The following PSD3 variants were observed in gnomAD, a reference collection of about 807,000 sequenced individuals.
The protein encoded by PSD3 is pleckstrin and Sec7 domain containing 3, also known as PH and SEC7 domain-containing protein 3.
A neutral mutation model predicts 105.5 loss-of-function variants in PSD3; 49 were observed. The ratio of observed to expected loss-of-function variants is 0.46; its 90% CI spans 0.37 to 0.59. The LOEUF (loss-of-function observed/expected upper bound fraction) is 0.59. PSD3 is among the 20% of genes least tolerant of loss of function. PSD3 has a pLI of 0.00. For missense variants in PSD3, 1,561 were observed against 1,263.8 expected (o/e 1.24, Z -3.57); for synonymous variants, 557 against 457.8 (o/e 1.22, Z -2.77).
intron 1 of PSD3, among the ~76,000 whole-genome samples, chr8:18,950,360 T>C (rs1823159917): frequency 6.6e-6 from 1 of 152,222 alleles, no homozygotes; most frequent in East Asian, 1.9e-4. Flanking sequence ...TATTTTGTGG[T>C]AGCAACATTT....
intron 11 of PSD3, among the ~76,000 whole-genome samples, chr8:18,627,808 G>GAA (rs1799149993): frequency 2.9e-5 from 4 of 137,092 alleles, no homozygotes; most frequent in Non-Finnish European, 6.2e-5. Flanking sequence ...CAAAGAAAAA[G>GAA]GAAAAAAAAA....
At chr8:18,858,486 ACT>A (rs1334114778) in intron 4 of PSD3, among the ~76,000 whole-genome samples, 1 of 151,648 alleles carries the variant, frequency 6.6e-6, no homozygotes, top group Non-Finnish European at 1.5e-5. Flanking sequence ...GCATCAATGG[ACT>A]CTTCTTTTCA....
At chr8:18,578,252 C>T (rs1049258861) in intron 12 of PSD3, among the ~76,000 whole-genome samples, 2 of 152,048 alleles carry the variant, frequency 1.3e-5, no homozygotes, top group African/African-American at 4.8e-5. Context: ...ACTAAAAAGT[C>T]CCACCCTTAT....
rs117265154 is a variant in PSD3, at chr8:18,587,171, G to A, written c.2482-11886C>T. Among the ~76,000 whole-genome samples the A allele has an allele frequency of 7.2e-3, 1,103 of 152,240 alleles. 7 individuals carry two copies. The highest frequency in any genetic ancestry group is 0.037 in the Middle Eastern group (11 of 294). On this transcript the variant is annotated intron_variant, in intron 12 of 15. Transcript: ENST00000327040. The stretch of plus-strand genomic sequence containing the variant: ...TACTGGCATCCTAAGAGCACAGAGC[G>A]GAGAACAACATGGCACTCCCAGGTC...
intron 1 of PSD3, among the ~76,000 whole-genome samples, chr8:19,010,768 T>C (rs1474553764): frequency 2.0e-5 from 3 of 152,100 alleles, no homozygotes; most frequent in Non-Finnish European, 4.4e-5. Context: ...GAATTTCACA[T>C]GGATCCTGTA....
intron 8 of PSD3, among the ~76,000 whole-genome samples, chr8:18,783,184 C>T (rs1353935287): frequency 6.6e-6 from 1 of 152,118 alleles, no homozygotes; most frequent in East Asian, 1.9e-4. Context: ...AGGATCTATT[C>T]AGGTTTTGTT....
At chr8:18,565,569 C>T (rs956158878) in intron 14 of PSD3, among the ~76,000 whole-genome samples, 2 of 133,436 alleles carry the variant, frequency 1.5e-5, no homozygotes, top group African/African-American at 2.8e-5. Flanking sequence ...CTTGAAAAAG[C>T]ACCAAACAAT....
chr8:18,657,636 G>A (rs916056822), intron 9 of PSD3, among the ~76,000 whole-genome samples: 1 of 151,300 alleles, frequency 6.6e-6, no homozygotes, highest in Non-Finnish European at 1.5e-5. Flanking sequence ...TCAGGAGGCT[G>A]AACACCTATG....
chr8:18,969,973 A>G (rs574079111), intron 1 of PSD3, among the ~76,000 whole-genome samples: 16 of 152,298 alleles, frequency 1.1e-4, no homozygotes, highest in African/African-American at 3.9e-4. Flanking sequence ...GCACAGTAAA[A>G]TTAATAAACA....
intron 9 of PSD3, among the ~76,000 whole-genome samples, chr8:18,671,833 G>A (rs957765387): frequency 9.2e-5 from 14 of 151,962 alleles, no homozygotes; most frequent in Admixed American, 2.0e-4. Flanking sequence ...GGGTTTCACC[G>A]TGTTAGCCAG....
chr8:19,073,891 C>T (rs1186480755), intron 1 of PSD3, among the ~76,000 whole-genome samples: 1 of 151,754 alleles, frequency 6.6e-6, no homozygotes, highest in East Asian at 2.0e-4. Context: ...CCCGGGTTCA[C>T]GCCATTCTGC....
At chr8:18,860,853 T>C (rs1018838401) in intron 4 of PSD3, among the ~76,000 whole-genome samples, 8 of 152,196 alleles carry the variant, frequency 5.3e-5, no homozygotes, top group Non-Finnish European at 1.2e-4. Context: ...CATTTTTATT[T>C]AGATCTATGA....
At chr8:18,590,850 A>G (rs1206213286) in intron 12 of PSD3, among the ~76,000 whole-genome samples, 1 of 152,212 alleles carries the variant, frequency 6.6e-6, no homozygotes, top group Non-Finnish European at 1.5e-5. Flanking sequence ...ACCAAATACC[A>G]GATTGATGAA....
chr8:18,531,664 T>C lies in PSD3; in HGVS notation c.*4079A>G, dbSNP rs1342062673. On this transcript the variant is annotated 3_prime_UTR_variant, in exon 16 of 16. Transcript: ENST00000327040. ...GGCGCATCTGCCTGCAAAGCTGACT[T>C]ACCATTTTCTGTCAGAATAACTTAG... The C allele has an allele frequency of 6.6e-6, 1 of 152,240 alleles. No individual in the cohort carries two copies. Among genetic ancestry groups the C allele is most frequent in the Non-Finnish European group, 1.5e-5 (1 of 68,062 alleles). The allele number at this position is 152,240 out of a possible 1,614,324, so 9.4% of individuals were successfully genotyped here.
chr8:18,912,138 C>T (rs1411290038), intron 2 of PSD3, among the ~76,000 whole-genome samples: 3 of 152,170 alleles, frequency 2.0e-5, no homozygotes, highest in African/African-American at 7.2e-5. Context: ...AAATGTCCAT[C>T]TGAGAAGTTT....
At chr8:18,977,277 A>AAAAG in intron 1 of PSD3, among the ~76,000 whole-genome samples, 1 of 151,672 alleles carries the variant, frequency 6.6e-6, no homozygotes, top group African/African-American at 2.4e-5. Flanking sequence ...AAAAAAAAAA[A>AAAAG]AAATTGGGTT....
chr8:18,987,895 A>G (rs1450796484), intron 1 of PSD3, among the ~76,000 whole-genome samples: 1 of 152,174 alleles, frequency 6.6e-6, no homozygotes, highest in East Asian at 1.9e-4. Flanking sequence ...GAGTGTACAC[A>G]AAAAATACAA....
At chr8:18,684,164 G>T in intron 9 of PSD3, 4 of 327,178 alleles carry the variant, frequency 1.2e-5, no homozygotes, top group African/African-American at 2.2e-5. Flanking sequence ...CTGCAAAGAG[G>T]AAAAAAATGC....
chr8:18,751,038 G>T (rs1018444376), intron 9 of PSD3, among the ~76,000 whole-genome samples: 2 of 152,122 alleles, frequency 1.3e-5, no homozygotes, highest in Non-Finnish European at 2.9e-5. Context: ...TGCGCGATGC[G>T]CTCACACTCC....
Sources: gnomAD v4.1 joint callset for allele counts (sites outside exome capture counted in the v4.1 genomes callset) on GRCh38, gnomAD v4.1.1 for gene constraint, MANE v1.5 for transcripts, NCBI Gene and HGNC (gene_info 2026-07-23, HGNC 2026-07-21) for gene names.